ITGB3BP: variants seen among roughly 807,000 people sequenced by gnomAD.
The protein encoded by ITGB3BP is centromere protein R.
Under a neutral mutation model 29.1 loss-of-function variants are expected in ITGB3BP, and 27 were observed. That is an observed-to-expected ratio of 0.93 (90% CI 0.68 to 1.28). The LOEUF (loss-of-function observed/expected upper bound fraction) is 1.28, where lower values mean the gene tolerates loss of function less well. ITGB3BP is among the 50% of genes most tolerant of loss of function. The probability of loss-of-function intolerance (pLI) is 0.00; values close to 1 mark genes in which losing one functional copy is unlikely to be tolerated. For synonymous variants in ITGB3BP, 61 were observed against 61.4 expected, an observed-to-expected ratio of 0.99 and a Z score of 0.03; for missense variants, 192 against 200.2, an observed-to-expected ratio of 0.96 and a Z score of 0.25.
At chr1:63,494,802 T>C (rs943176123) in intron 2 of ITGB3BP, among the ~76,000 whole-genome samples, 2 of 152,202 alleles carry the variant, frequency 1.3e-5, no homozygotes, top group Non-Finnish European at 2.9e-5. Flanking sequence ...TCTCTTACAC[T>C]GTAATTTTGT....
At chr1:63,508,909 C>CCA (rs530770095) in intron 1 of ITGB3BP, among the ~76,000 whole-genome samples, 156 of 152,166 alleles carry the variant, frequency 1.0e-3, no homozygotes, top group African/African-American at 3.6e-3. Flanking sequence ...CTTTAAAATA[C>CCA]CACTATTACA....
rs1475774378 is a variant in ITGB3BP at position 63,473,510 on chromosome 1, C to G, written c.254+5254G>C. Among the ~76,000 whole-genome samples the G allele has an allele frequency of 3.5e-5, 5 of 142,098 alleles. No homozygotes were observed. The East Asian group carries it at 9.0e-4, about 26-fold the overall frequency. The allele number at this position is 142,098 out of a possible 152,430, so 93.2% of individuals were successfully genotyped here. On this transcript the variant is annotated intron_variant, in intron 4 of 8. Coordinates refer to ENST00000271002, the MANE Select transcript of ITGB3BP (RefSeq NM_014288.5). The stretch of plus-strand genomic sequence containing the variant: ...CCCCCGCCCGGCCAGCCGCCCAGTC[C>G]GGGAGGGAGGTGGGGGGTCAGCCCC...
intron 2 of ITGB3BP, among the ~76,000 whole-genome samples, chr1:63,506,315 T>C (rs1417170162): frequency 6.6e-6 from 1 of 152,210 alleles, no homozygotes; most frequent in Non-Finnish European, 1.5e-5. Context: ...AAGTCTGTTT[T>C]ATCAGAGACT....
At chr1:63,490,915 T>C (rs1645631791) in intron 2 of ITGB3BP, among the ~76,000 whole-genome samples, 1 of 152,190 alleles carries the variant, frequency 6.6e-6, no homozygotes, top group Non-Finnish European at 1.5e-5. Flanking sequence ...AAAAAATGTG[T>C]GAGGAACGAA....
intron 1 of ITGB3BP, among the ~76,000 whole-genome samples, chr1:63,516,471 C>T (rs1186427186): frequency 6.6e-6 from 1 of 151,720 alleles, no homozygotes; most frequent in Non-Finnish European, 1.5e-5. Context: ...CACCTGTGAT[C>T]TCAGCATTTT....
chr1:63,447,102 G>A, intron 7 of ITGB3BP: 1 of 461,118 alleles, frequency 2.2e-6, no homozygotes, highest in African/African-American at 2.0e-5. Flanking sequence ...TACAATACAT[G>A]CTTATTACCA....
intron 7 of ITGB3BP, among the ~76,000 whole-genome samples, chr1:63,450,126 A>G (rs1291830189): frequency 6.6e-6 from 1 of 151,994 alleles, no homozygotes; most frequent in East Asian, 1.9e-4. Flanking sequence ...AAAGTTAACT[A>G]AAGAATACAG....
At chr1:63,447,308 A>G (rs1022227801) in intron 7 of ITGB3BP, among the ~76,000 whole-genome samples, 2 of 152,210 alleles carry the variant, frequency 1.3e-5, no homozygotes, top group Non-Finnish European at 2.9e-5. Flanking sequence ...AAATACTTAG[A>G]TAATTCTTTA....
At chr1:63,484,500 T>C (rs1372807686) in intron 3 of ITGB3BP, among the ~76,000 whole-genome samples, 1 of 152,150 alleles carries the variant, frequency 6.6e-6, no homozygotes, top group Non-Finnish European at 1.5e-5. Context: ...ATTTTTCTGA[T>C]CAATGAATTA....
chr1:63,503,887 C>A (rs111500639), intron 2 of ITGB3BP, among the ~76,000 whole-genome samples: 3,348 of 152,236 alleles, frequency 0.022, 128 homozygotes, highest in African/African-American at 0.076. Flanking sequence ...TCTTTTGGTA[C>A]CAGTACCATG....
At chr1:63,482,151 T>C (rs1331295173) in intron 3 of ITGB3BP, among the ~76,000 whole-genome samples, 1 of 149,378 alleles carries the variant, frequency 6.7e-6, no homozygotes, top group Non-Finnish European at 1.5e-5. Context: ...TGTGTGCCTA[T>C]AATCTCAGCT....
chr1:63,449,551 T>C (rs1644834460), intron 7 of ITGB3BP: 2 of 152,438 alleles, frequency 1.3e-5, no homozygotes, highest in East Asian at 3.9e-4. Context: ...CCCAAAACAA[T>C]GACGAATCGT....
At chr1:63,493,465 T>C (rs1409620898) in intron 2 of ITGB3BP, among the ~76,000 whole-genome samples, 1 of 151,726 alleles carries the variant, frequency 6.6e-6, no homozygotes, top group Non-Finnish European at 1.5e-5. Flanking sequence ...AACCTGCTTG[T>C]AATAATTCCT....
At chr1:63,464,958 A>AATCT (rs373965500) in intron 4 of ITGB3BP, among the ~76,000 whole-genome samples, 103 of 152,316 alleles carry the variant, frequency 6.8e-4, no homozygotes, top group African/African-American at 2.4e-3. Context: ...AGGAAACTTT[A>AATCT]AGAACTATTT....
intron 1 of ITGB3BP, among the ~76,000 whole-genome samples, chr1:63,521,428 TG>T (rs1387441332): frequency 9.1e-6 from 1 of 109,946 alleles, no homozygotes; most frequent in Non-Finnish European, 2.0e-5. Context: ...GCTATATATG[TG>T]AGATGTTAAC....
intron 3 of ITGB3BP, among the ~76,000 whole-genome samples, chr1:63,482,836 T>C (rs1353280797): frequency 3.9e-5 from 6 of 152,092 alleles, no homozygotes; most frequent in East Asian, 1.9e-4. Flanking sequence ...GTATTTTTAG[T>C]AGAGACTGGG....
chr1:63,443,741 A>C (rs978824060), intron 8 of ITGB3BP, among the ~76,000 whole-genome samples: 8 of 152,266 alleles, frequency 5.3e-5, no homozygotes, highest in African/African-American at 1.9e-4. Flanking sequence ...AGGAGAATTA[A>C]GCATTCTCAG....
chr1:63,480,371 C>CA, intron 3 of ITGB3BP, among the ~76,000 whole-genome samples: 1 of 152,126 alleles, frequency 6.6e-6, no homozygotes, highest in Non-Finnish European at 1.5e-5. Flanking sequence ...TTTATACTAC[C>CA]ATATACACTA....
chr1:63,525,353 T>A (rs1323078026), upstream of ITGB3BP, among the ~76,000 whole-genome samples: 1 of 152,146 alleles, frequency 6.6e-6, no homozygotes, highest in Non-Finnish European at 1.5e-5. Context: ...TGCCAAAGGC[T>A]TATTCTTGTT....
Sources: gnomAD v4.1 joint callset for allele counts (sites outside exome capture counted in the v4.1 genomes callset) on GRCh38, gnomAD v4.1.1 for gene constraint, MANE v1.5 for transcripts, NCBI Gene and HGNC (gene_info 2026-07-23, HGNC 2026-07-21) for gene names.